TMTC1: variants seen among roughly 807,000 people sequenced by gnomAD.
The protein encoded by TMTC1 is protein O-mannosyl-transferase TMTC1.
A neutral mutation model predicts 104.8 loss-of-function variants in TMTC1; 73 were observed. The ratio of observed to expected loss-of-function variants is 0.70; its 90% CI spans 0.58 to 0.85. TMTC1 has a LOEUF of 0.85. Ranked by LOEUF, TMTC1 falls within the 40% of genes least tolerant of loss-of-function variation. TMTC1 has a pLI of 0.00. For synonymous variants in TMTC1, 434 were observed against 428.7 expected, an observed-to-expected ratio of 1.01 and a Z score of -0.15; for missense variants, 1,035 against 1,096.1, an observed-to-expected ratio of 0.94 and a Z score of 0.79.
intron 3 of TMTC1, among the ~76,000 whole-genome samples, chr12:29,756,769 AG>A (rs1220204176): frequency 1.3e-5 from 2 of 152,190 alleles, no homozygotes; most frequent in African/African-American, 4.8e-5. Flanking sequence ...TCTGTAGTTG[AG>A]ACACCTTCTC....
In TMTC1 at chr12:29,517,682, C is replaced by T. The variant is rs960184967; in HGVS notation, c.2025-111G>A. 2.5e-5 allele frequency: 32 copies of T among 1,256,094 alleles called. No individual in the cohort carries two copies. The Middle Eastern group carries it at 1.0e-3, about 40-fold the overall frequency. 77.8% of individuals were successfully genotyped at this position (1,256,094 alleles called of 1,614,324 possible). A position where few individuals can be genotyped will look rare whatever the true frequency, so the allele number is the denominator to read the frequency against. On this transcript the variant is annotated intron_variant, in intron 13 of 17. Coordinates refer to ENST00000539277, the MANE Select transcript of TMTC1 (RefSeq NM_001193451.2). The stretch of plus-strand genomic sequence containing the variant: ...CATGGTTTGAACCTCTGCTCCAATA[C>T]GGTCTTTGTTTTTATATCAATAACA...
Position 29,708,531 on chromosome 12 carries a change from A to G in TMTC1, c.938+43135T>C, listed in dbSNP as rs549779489. Among the ~76,000 whole-genome samples, 15 of 152,284 alleles carry G rather than the reference A, an allele frequency of 9.9e-5. 1 individual carries two copies. Among genetic ancestry groups the G allele is most frequent in the African/African-American group, 3.4e-4 (14 of 41,552 alleles). ...AATATTGCACACAATGGAATTCTCTAAAGCCCATTGACTCCCAGTTTTAAA... is the reference window on the plus strand; with the variant it reads ...AATATTGCACACAATGGAATTCTCTGAAGCCCATTGACTCCCAGTTTTAAA... On this transcript the variant is annotated intron_variant, in intron 5 of 17. Coordinates refer to ENST00000539277, the MANE Select transcript of TMTC1 (RefSeq NM_001193451.2).
intron 8 of TMTC1, among the ~76,000 whole-genome samples, chr12:29,575,254 T>TAGG (rs1945790500): frequency 6.6e-6 from 1 of 151,998 alleles, no homozygotes. Flanking sequence ...CTGCAACTTA[T>TAGG]TTGGATTAAA....
At chr12:29,543,320 T>C (rs900730612) in intron 10 of TMTC1, among the ~76,000 whole-genome samples, 1 of 152,218 alleles carries the variant, frequency 6.6e-6, no homozygotes, top group African/African-American at 2.4e-5. Context: ...AATTAAGTAC[T>C]GGGTAAGTTT....
chr12:29,503,488 A>G lies in TMTC1; in HGVS notation c.*3358T>C, dbSNP rs1943636699. On this transcript the variant is annotated 3_prime_UTR_variant, in exon 18 of 18. Coordinates refer to ENST00000539277, the MANE Select transcript of TMTC1 (RefSeq NM_001193451.2). ...CATCAAAGGATACAAAAAGAAATGG[A>G]CACTTATCAGGGATTTTGAAGGCAA... is the stretch of plus-strand genomic sequence containing the variant. 1 of 152,210 alleles carries G rather than the reference A, an allele frequency of 6.6e-6. No individual in the cohort carries two copies. The highest frequency in any genetic ancestry group is 2.1e-4 in the South Asian group (1 of 4,820). The allele number at this position is 152,210 out of a possible 1,614,324, so 9.4% of individuals were successfully genotyped here.
chr12:29,659,844 T>C (rs1939930039), intron 5 of TMTC1: 1 of 1,464,684 alleles, frequency 6.8e-7, no homozygotes, highest in Non-Finnish European at 9.1e-7. Flanking sequence ...AATTATCTAA[T>C]AAATACCAAG....
chr12:29,707,205 A>T (rs1941770506), intron 5 of TMTC1, among the ~76,000 whole-genome samples: 1 of 152,124 alleles, frequency 6.6e-6, no homozygotes, highest in Non-Finnish European at 1.5e-5. Context: ...GGGCTCACTC[A>T]AGCCCCTTCC....
At chr12:29,566,681 T>C (rs1349148450) in intron 9 of TMTC1, among the ~76,000 whole-genome samples, 1 of 152,136 alleles carries the variant, frequency 6.6e-6, no homozygotes, top group Non-Finnish European at 1.5e-5. Flanking sequence ...GGTGGTCAGA[T>C]TCTGTGTGTG....
At chr12:29,519,810 G>C (rs549474175) in intron 12 of TMTC1, 1 of 152,102 alleles carries the variant, frequency 6.6e-6, no homozygotes, top group Non-Finnish European at 1.5e-5. Flanking sequence ...TTTTACACAG[G>C]CAAAAATAAG....
chr12:29,660,809 T>A, intron 5 of TMTC1: 1 of 1,425,226 alleles, frequency 7.0e-7, no homozygotes, highest in Non-Finnish European at 9.3e-7. Context: ...CTTACATAAC[T>A]TAGGACCAAA....
chr12:29,586,685 G>A (rs1946143396), intron 7 of TMTC1, among the ~76,000 whole-genome samples: 3 of 149,948 alleles, frequency 2.0e-5, no homozygotes, highest in African/African-American at 5.0e-5. Context: ...TGCATCTATT[G>A]AGATAATCAT....
At chr12:29,665,154 A>G (rs1940224985) in intron 5 of TMTC1, among the ~76,000 whole-genome samples, 1 of 152,344 alleles carries the variant, frequency 6.6e-6, no homozygotes, top group East Asian at 1.9e-4. Context: ...CAATTTCAAA[A>G]AAAAAGAGAA....
chr12:29,525,210 T>A, intron 11 of TMTC1, among the ~76,000 whole-genome samples: 1 of 115,810 alleles, frequency 8.6e-6, no homozygotes, highest in African/African-American at 3.6e-5. Context: ...TGAGATGGAG[T>A]TTTGCTCTGT....
chr12:29,622,031 A>C (rs1045282440), intron 6 of TMTC1, among the ~76,000 whole-genome samples: 9 of 152,078 alleles, frequency 5.9e-5, no homozygotes, highest in African/African-American at 2.2e-4. Flanking sequence ...CCCTACTAAA[A>C]ATTTAAAAAA....
intron 10 of TMTC1, among the ~76,000 whole-genome samples, chr12:29,555,132 T>A (rs943603165): frequency 2.7e-5 from 2 of 75,260 alleles, no homozygotes; most frequent in East Asian, 7.9e-4. Context: ...AGTTCCAACA[T>A]CCTTTTTTTT....
chr12:29,556,781 A>G (rs1278400572), intron 10 of TMTC1, 76 bp downstream of exon 10: 2 of 1,585,364 alleles, frequency 1.3e-6, no homozygotes, highest in Admixed American at 1.7e-5. Flanking sequence ...GTGCAGCACA[A>G]TCAAATGAGT....
intron 6 of TMTC1, among the ~76,000 whole-genome samples, chr12:29,630,327 A>C (rs1386036104): frequency 1.3e-5 from 2 of 152,210 alleles, no homozygotes; most frequent in Non-Finnish European, 2.9e-5. Flanking sequence ...GACCTTGGGC[A>C]GCAGGAGACA....
intron 5 of TMTC1, among the ~76,000 whole-genome samples, chr12:29,650,542 A>G (rs981957055): frequency 5.9e-5 from 9 of 152,272 alleles, no homozygotes; most frequent in African/African-American, 2.2e-4. Flanking sequence ...TCAGTGGCAA[A>G]GTCAAAGCAT....
intron 5 of TMTC1, among the ~76,000 whole-genome samples, chr12:29,716,317 C>CAG (rs1432729513): frequency 6.6e-6 from 1 of 152,070 alleles, no homozygotes; most frequent in Non-Finnish European, 1.5e-5. Flanking sequence ...CCACTACACC[C>CAG]AGAGACTAGC....
Sources: gnomAD v4.1 joint callset for allele counts (sites outside exome capture counted in the v4.1 genomes callset) on GRCh38, gnomAD v4.1.1 for gene constraint, MANE v1.5 for transcripts, NCBI Gene and HGNC (gene_info 2026-07-23, HGNC 2026-07-21) for gene names.